The following SLC4A4 variants were observed in gnomAD, a reference collection of about 807,000 sequenced individuals.
The protein encoded by SLC4A4 is electrogenic sodium bicarbonate cotransporter 1.
SLC4A4 carries 27 observed loss-of-function variants against 111.5 expected under a neutral mutation model. The ratio of observed to expected loss-of-function variants is 0.24; its 90% CI spans 0.18 to 0.33. The LOEUF is 0.33. Ranked by LOEUF, SLC4A4 falls within the 10% of genes least tolerant of loss-of-function variation. The pLI, the probability that SLC4A4 is intolerant of heterozygous loss-of-function variation, is 1.00. For synonymous variants in SLC4A4, 443 were observed against 463.4 expected, an observed-to-expected ratio of 0.96 and a Z score of 0.57; for missense variants, 909 against 1,315.5, an observed-to-expected ratio of 0.69 and a Z score of 4.78.
intron 7 of SLC4A4, among the ~76,000 whole-genome samples, chr4:71,400,971 A>G (rs1218349858): frequency 1.3e-5 from 2 of 152,144 alleles, no homozygotes; most frequent in East Asian, 1.9e-4. Flanking sequence ...TGTCTTGTGT[A>G]CTTGTCCAAG....
chr4:71,145,812 C>A (rs1249397824), intron 2 of SLC4A4, among the ~76,000 whole-genome samples: 1 of 151,812 alleles, frequency 6.6e-6, no homozygotes, highest in Admixed American at 6.6e-5. Context: ...GTCATTTTTT[C>A]TTGCGTCTAT....
intron 20 of SLC4A4, 55 bp from the exon 21 acceptor site, chr4:71,555,085 A>G: frequency 4.9e-6 from 6 of 1,234,488 alleles, no homozygotes; most frequent in Non-Finnish European, 7.2e-6. Context: ...ATTCCTCTTC[A>G]TTCCTCTTTT....
chr4:71,183,829 G>A (rs977454520), upstream of SLC4A4, among the ~76,000 whole-genome samples: 1 of 152,134 alleles, frequency 6.6e-6, no homozygotes, highest in African/African-American at 2.4e-5. Flanking sequence ...AAAAGGACTT[G>A]ATATTGACAA....
chr4:71,530,368 T>G (rs1733812733), intron 16 of SLC4A4, among the ~76,000 whole-genome samples: 1 of 152,136 alleles, frequency 6.6e-6, no homozygotes, highest in Non-Finnish European at 1.5e-5. Flanking sequence ...TAGGGATTAT[T>G]TTGGCTATGT....
chr4:71,119,028 C>A (rs1455610804), intron 2 of SLC4A4, among the ~76,000 whole-genome samples: 1 of 152,052 alleles, frequency 6.6e-6, no homozygotes, highest in Admixed American at 6.5e-5. Context: ...AAGCATAACA[C>A]CAAAAGTGAA....
chr4:71,336,696 G>A (rs1728459442), intron 3 of SLC4A4, among the ~76,000 whole-genome samples: 6 of 152,124 alleles, frequency 3.9e-5, no homozygotes, highest in Admixed American at 6.5e-5. Context: ...TGAATGTGAA[G>A]TTTTTAGCCA....
intron 23 of SLC4A4, among the ~76,000 whole-genome samples, chr4:71,562,439 T>C (rs763051535): frequency 2.0e-5 from 3 of 151,754 alleles, no homozygotes; most frequent in Non-Finnish European, 4.4e-5. Context: ...TAATATAATA[T>C]TTATGAGCAC....
At chr4:71,224,243 A>G (rs1040638545) in intron 1 of SLC4A4, among the ~76,000 whole-genome samples, 3 of 151,932 alleles carry the variant, frequency 2.0e-5, no homozygotes, top group Non-Finnish European at 4.4e-5. Context: ...CTCATCCACA[A>G]CCTGGTCCTG....
At chr4:71,224,009 C>T (rs961209583) in intron 1 of SLC4A4, among the ~76,000 whole-genome samples, 2 of 152,116 alleles carry the variant, frequency 1.3e-5, no homozygotes, top group Admixed American at 6.5e-5. Context: ...TTTACCTCTC[C>T]GGAGCCCGTG....
intron 3 of SLC4A4, among the ~76,000 whole-genome samples, chr4:71,330,805 G>A (rs1289873606): frequency 2.0e-5 from 3 of 151,946 alleles, no homozygotes; most frequent in Non-Finnish European, 4.4e-5. Context: ...GCAACCTACA[G>A]AATGGGAGAA....
intron 13 of SLC4A4, among the ~76,000 whole-genome samples, chr4:71,469,473 T>C (rs1727672764): frequency 6.6e-6 from 1 of 151,950 alleles, no homozygotes. Flanking sequence ...CTTGGTTTTA[T>C]GCTACTGAGA....
At chr4:71,369,395 G>A (rs992848229) in intron 6 of SLC4A4, among the ~76,000 whole-genome samples, 2 of 152,180 alleles carry the variant, frequency 1.3e-5, no homozygotes, top group African/African-American at 4.8e-5. Flanking sequence ...AGGATTGTGA[G>A]ACTAAGGGGT....
intron 15 of SLC4A4, 88 bp downstream of exon 15, chr4:71,487,106 C>A: frequency 1.2e-6 from 1 of 802,692 alleles, no homozygotes. Flanking sequence ...ATGTCTTCTA[C>A]CACTCAGCAA....
chr4:71,398,725 C>T (rs551926322), intron 7 of SLC4A4, among the ~76,000 whole-genome samples: 1 of 152,064 alleles, frequency 6.6e-6, no homozygotes, highest in African/African-American at 2.4e-5. Flanking sequence ...CTACTTGTTC[C>T]AAAACTGGCT....
intron 7 of SLC4A4, among the ~76,000 whole-genome samples, chr4:71,411,912 C>A (rs1422693551): frequency 6.6e-6 from 1 of 152,156 alleles, no homozygotes; most frequent in Non-Finnish European, 1.5e-5. Context: ...GCTGGATAAA[C>A]AACTGTACTC....
At chr4:71,291,048 T>G (rs1390962221) in intron 3 of SLC4A4, among the ~76,000 whole-genome samples, 1 of 152,178 alleles carries the variant, frequency 6.6e-6, no homozygotes, top group African/African-American at 2.4e-5. Context: ...AGCTCCAAAT[T>G]TAATGACCTA....
At chr4:71,363,853 A>G (rs1398239495) in intron 6 of SLC4A4, among the ~76,000 whole-genome samples, 2 of 152,200 alleles carry the variant, frequency 1.3e-5, no homozygotes, top group African/African-American at 2.4e-5. Flanking sequence ...CGATCTATGG[A>G]AAGTTGCTAG....
At chr4:71,428,993 T>C (rs531615537) in intron 7 of SLC4A4, among the ~76,000 whole-genome samples, 65 of 152,188 alleles carry the variant, frequency 4.3e-4, no homozygotes, top group African/African-American at 1.5e-3. Context: ...TGGTTATAAA[T>C]AACACTTTAT....
At chr4:71,089,404 G>A (rs907655459) in intron 1 of SLC4A4, among the ~76,000 whole-genome samples, 7 of 152,068 alleles carry the variant, frequency 4.6e-5, no homozygotes, top group Non-Finnish European at 8.8e-5. Flanking sequence ...ACTCGTCAAA[G>A]TCATTCTCTG....
Sources: gnomAD v4.1 joint callset for allele counts (sites outside exome capture counted in the v4.1 genomes callset) on GRCh38, gnomAD v4.1.1 for gene constraint, MANE v1.5 for transcripts, NCBI Gene and HGNC (gene_info 2026-07-23, HGNC 2026-07-21) for gene names.